The following VPS13C variants were observed in gnomAD, a reference collection of about 807,000 sequenced individuals.
VPS13C encodes the protein vacuolar protein sorting 13 homolog C.
A neutral mutation model predicts 456.8 loss-of-function variants in VPS13C; 358 were observed. That is an observed-to-expected ratio of 0.78 (90% CI 0.72 to 0.86). VPS13C has a LOEUF of 0.86. Ranked by LOEUF, VPS13C falls within the 40% of genes least tolerant of loss-of-function variation. The pLI, the probability that VPS13C is intolerant of heterozygous loss-of-function variation, is 0.00. For synonymous variants in VPS13C, 1,578 were observed against 1,486.7 expected, an observed-to-expected ratio of 1.06 and a Z score of -1.41; for missense variants, 4,818 against 4,385.4, an observed-to-expected ratio of 1.10 and a Z score of -2.79.
intron 15 of VPS13C, among the ~76,000 whole-genome samples, chr15:62,005,548 G>A (rs541164519): frequency 1.3e-5 from 2 of 150,206 alleles, no homozygotes; most frequent in Non-Finnish European, 2.9e-5. Flanking sequence ...GTGTGAATTT[G>A]ATCCTGTCAT....
rs189004952 is a variant in VPS13C, at chr15:61,983,216, C to A, written c.1914+604G>T. 2.0e-4 allele frequency among the ~76,000 whole-genome samples: 31 copies of A among 152,166 alleles called. No homozygotes were observed. In the East Asian group the frequency reaches 5.6e-3, roughly 27 times the overall value. ...ACACACACTTTATTTAGCTTTCAGT[C>A]GTAAAGTAAAATTACATCAGGGATC... On this transcript the variant is annotated intron_variant, in intron 20 of 84. Coordinates refer to ENST00000644861, the MANE Select transcript of VPS13C (RefSeq NM_020821.3).
rs745796562 is a variant in VPS13C, at chr15:61,984,952, C to G, written c.1626G>C (p.Thr542=). ...CTGGAATATTCTTGTTTTCTCTTAT[C>G]GTAACAGAGGTGCTTACTAACTTCA... ...MTLKLVSTSV[T]IRENKNIPEI... is the part of the protein sequence containing the mutation. The change falls in exon 19 of 85, where the codon ACG becomes ACC. Residue 542 remains threonine (T), a synonymous_variant. Coordinates refer to ENST00000644861, the MANE Select transcript of VPS13C (RefSeq NM_020821.3). 1.2e-6 allele frequency: 2 copies of G among 1,609,852 alleles called. No individual in the cohort carries two copies.
At chr15:62,050,641 A>C (rs1596537750) in intron 1 of VPS13C, among the ~76,000 whole-genome samples, 1 of 152,232 alleles carries the variant, frequency 6.6e-6, no homozygotes, top group South Asian at 2.1e-4. Context: ...CTACCTAAAA[A>C]ATACAAAAAA....
intron 79 of VPS13C, among the ~76,000 whole-genome samples, chr15:61,869,929 G>C (rs1469068836): frequency 6.6e-6 from 1 of 152,154 alleles, no homozygotes; most frequent in Non-Finnish European, 1.5e-5. Context: ...GAGAACTACT[G>C]ATCTAGGAGT....
chr15:62,055,951 G>T (rs1365241956), intron 1 of VPS13C, among the ~76,000 whole-genome samples: 1 of 152,124 alleles, frequency 6.6e-6, no homozygotes, highest in African/African-American at 2.4e-5. Context: ...GTACTCCAGG[G>T]TCTATCTGCT....
At chr15:62,031,751 C>T (rs558229772) in intron 5 of VPS13C, among the ~76,000 whole-genome samples, 21 of 152,034 alleles carry the variant, frequency 1.4e-4, no homozygotes, top group Admixed American at 3.3e-4. Flanking sequence ...AAAATTAATA[C>T]TACAGATGTA....
At position 61,929,483 on chromosome 15, in the gene VPS13C, C is replaced by G. The variant is rs754481212; in HGVS notation, c.6286+18G>C. On this transcript the variant is annotated intron_variant, in intron 51 of 84. Transcript: ENST00000644861. ...AAAATATACAAGTTGTCATCTATGA[C>G]AGATAAATTCTGCTAACCTTTCTCT... 6.2e-7 allele frequency: 1 copy of G among 1,607,840 alleles called. No individual in the cohort carries two copies. The highest frequency in any genetic ancestry group is 1.3e-5 in the African/African-American group (1 of 74,876).
intron 38 of VPS13C, 55 bp from the exon 39 acceptor site, chr15:61,952,035 T>C: frequency 5.1e-6 from 8 of 1,569,124 alleles, no homozygotes; most frequent in Non-Finnish European, 6.9e-6. Flanking sequence ...GCAATGAAGG[T>C]AAGTCAAGAA....
rs1250354101 is a variant in VPS13C, at chr15:61,858,120, A to G, written c.10953-1711T>C. ...GTCACAAATCCTCGTGCCAAACACA[A>G]TTCACTATTCCAAATATCTTTAAAC... On this transcript the variant is annotated intron_variant, in intron 82 of 84. Transcript: ENST00000644861. The surrounding 1 kb of genome is among the most constrained non-coding windows in gnomAD (Gnocchi z 4.4). 6.6e-6 allele frequency among the ~76,000 whole-genome samples: 1 copy of G among 152,106 alleles called. No homozygotes were observed. Among genetic ancestry groups the G allele is most frequent in the Non-Finnish European group, 1.5e-5 (1 of 68,026 alleles).
intron 10 of VPS13C, 55 bp from the exon 11 acceptor site, chr15:62,013,174 A>G (rs558927788): frequency 1.9e-5 from 25 of 1,341,518 alleles, no homozygotes; most frequent in African/African-American, 1.8e-4. Context: ...ATTATGAATC[A>G]ATATTAAAAG....
chr15:61,943,192 C>G (rs1567031017), intron 45 of VPS13C, among the ~76,000 whole-genome samples: 1 of 152,130 alleles, frequency 6.6e-6, no homozygotes, highest in Admixed American at 6.5e-5. Context: ...GGCTATACTT[C>G]TCAAAGCAAT....
chr15:62,053,008 G>A (rs2048676160), intron 1 of VPS13C, among the ~76,000 whole-genome samples: 1 of 152,166 alleles, frequency 6.6e-6, no homozygotes, highest in African/African-American at 2.4e-5. Context: ...CCAATTCTCA[G>A]TTTTAGTTCT....
At chr15:61,963,259 A>T (rs1488577400) in intron 32 of VPS13C, among the ~76,000 whole-genome samples, 6 of 152,058 alleles carry the variant, frequency 3.9e-5, no homozygotes, top group Non-Finnish European at 8.8e-5. Context: ...AGTTCTTAAA[A>T]AATTTCATTA....
rs1226654417 is a variant in VPS13C, at chr15:62,020,523, G to A, written c.640C>T (p.Arg214Trp). 5.0e-6 allele frequency: 8 copies of A among 1,611,450 alleles called. No individual in the cohort carries two copies. The East Asian group carries it at 6.7e-5, about 13-fold the overall frequency. Reference protein sequence around the residue: ...KYEDDVTDPKRPLSFGVTLGE... With the variant: ...KYEDDVTDPKWPLSFGVTLGE... ...AGTGTGACACCAAATGAAAGAGGCC[G>A]CTTTGGATCAGTGACCTACCAAAGA... The change falls in exon 9 of 85, where the codon CGG becomes TGG. Residue 214 changes from arginine (R) to tryptophan (W), a missense_variant. Arg to Trp is a moderately radical substitution (Grantham distance 101, BLOSUM62 -3). This residue lies in a region of VPS13C where 4,552 missense variants were observed against 4,130.6 expected (regional missense o/e 1.10). Coordinates refer to ENST00000644861, the MANE Select transcript of VPS13C (RefSeq NM_020821.3).
intron 42 of VPS13C, among the ~76,000 whole-genome samples, chr15:61,948,869 A>G (rs1056593820): frequency 6.6e-6 from 1 of 152,230 alleles, no homozygotes; most frequent in Admixed American, 6.5e-5. Flanking sequence ...TTGGCTTAAA[A>G]GTAAGCAAAT....
intron 22 of VPS13C, among the ~76,000 whole-genome samples, chr15:61,980,910 G>C (rs535725789): frequency 1.5e-3 from 225 of 152,162 alleles, no homozygotes; most frequent in African/African-American, 5.2e-3. Flanking sequence ...CTGGAGGCTT[G>C]GCTTTCTATG....
In VPS13C at chr15:61,880,863, G is replaced by T. The variant is rs767951389; in HGVS notation, c.9868C>A (p.Pro3290Thr). ...IIALFTPTTD[P>T]EAERRRTKLI... Reference sequence around the variant, plus strand: ...TTTACCCGTCTTCTTTCAGCTTCAGGGTCTGTTGTTGGGGTAAACAGTGCA... The same window carrying T: ...TTTACCCGTCTTCTTTCAGCTTCAGTGTCTGTTGTTGGGGTAAACAGTGCA... The change falls in exon 72 of 85, where the codon CCT becomes ACT. Residue 3290 changes from proline (P) to threonine (T), a missense_variant. Around this residue, in one of 3 missense-constraint regions of VPS13C, gnomAD observed 4,552 missense variants for 4,130.6 expected, o/e 1.10. Transcript: ENST00000644861. 1.9e-6 allele frequency: 3 copies of T among 1,598,022 alleles called. No homozygotes were observed. The highest frequency in any genetic ancestry group is 2.6e-6 in the Non-Finnish European group (3 of 1,175,416).
rs368761431 is a variant in VPS13C, at chr15:61,873,394, A to G, written c.10430T>C (p.Val3477Ala). The G allele has an allele frequency of 7.4e-6, 12 of 1,613,298 alleles. No individual in the cohort carries two copies. Among genetic ancestry groups the G allele is most frequent in the Non-Finnish European group, 1.0e-5 (12 of 1,179,658 alleles). ...FGHTVGGAAGVVSRITGSVGK... is the reference protein window; with the variant it reads ...FGHTVGGAAGAVSRITGSVGK... ...AACAGAACCGGTGATTCGAGATACA[A>G]CTCCTGCTGCACCACCTATCAAAGA... Residue 3477 changes from valine (V) to alanine (A), a missense_variant, in exon 78 of 85, where the codon GTT becomes GCT. This residue lies in a region of VPS13C where 4,552 missense variants were observed against 4,130.6 expected (regional missense o/e 1.10). Transcript: ENST00000644861.
intron 3 of VPS13C, among the ~76,000 whole-genome samples, chr15:62,040,077 G>C (rs535982551): frequency 1.3e-5 from 2 of 152,016 alleles, no homozygotes; most frequent in African/African-American, 4.8e-5. Flanking sequence ...TGGAACTGGG[G>C]GTCATTATGT....
Sources: gnomAD v4.1 joint callset for allele counts (sites outside exome capture counted in the v4.1 genomes callset) on GRCh38, gnomAD v4.1.1 for gene constraint, gnomAD v4.1.1 regional missense constraint, Gnocchi (gnomAD v3.1) non-coding constraint, MANE v1.5 for transcripts, NCBI Gene and HGNC (gene_info 2026-07-23, HGNC 2026-07-21) for gene names.